GASK1B: variants seen among roughly 807,000 people sequenced by gnomAD.
GASK1B encodes Golgi-associated kinase 1B.
Under a neutral mutation model 42.8 loss-of-function variants are expected in GASK1B, and 34 were observed. That is an observed-to-expected ratio of 0.79 (90% CI 0.60 to 1.06). The LOEUF is 1.06. GASK1B is among the 50% of genes least tolerant of loss of function. The pLI, the probability that GASK1B is intolerant of heterozygous loss-of-function variation, is 0.00. For missense variants in GASK1B, 686 were observed against 661.0 expected (o/e 1.04, Z -0.42); for synonymous variants, 262 against 259.1 (o/e 1.01, Z -0.11).
rs879685476 is a variant in GASK1B, at chr4:158,170,476, C to T, written c.900G>A (p.Glu300=). 9 of 1,614,238 alleles carry T rather than the reference C, an allele frequency of 5.6e-6. No homozygotes were observed. The highest frequency in any genetic ancestry group is 7.6e-6 in the Non-Finnish European group (9 of 1,180,042). The change falls in exon 2 of 5, where the codon GAG becomes GAA. Residue 300 remains glutamate, a synonymous_variant. Transcript: ENST00000585682. ...RTLPSVSRKA[E]FIQDGRPCPI... ...ATGTGAATCTGTTACCTTGGATGAA[C>T]TCTGCTTTCCTGCTCACAGACGGCA...
At chr4:158,166,817 T>C (rs927023855) in intron 2 of GASK1B, among the ~76,000 whole-genome samples, 1 of 152,112 alleles carries the variant, frequency 6.6e-6, no homozygotes, top group African/African-American at 2.4e-5. Flanking sequence ...ATAACTAAAC[T>C]TTCTAGTAGG....
chr4:158,131,851 C>T (rs1730695726), intron 3 of GASK1B, among the ~76,000 whole-genome samples: 1 of 152,092 alleles, frequency 6.6e-6, no homozygotes, highest in South Asian at 2.1e-4. Context: ...AATGTAAACG[C>T]CTGAGTAACA....
chr4:158,171,362 T>C lies in GASK1B; in HGVS notation c.14A>G (p.Asp5Gly). The change falls in exon 2 of 5, where the codon GAC (aspartate) becomes GGC (glycine). Residue 5 changes from aspartate (D) to glycine (G), a missense_variant. By Grantham distance (94) the Asp-to-Gly change is moderately conservative. Transcript: ENST00000585682. MTCP[D>G]KPGQLINWFI... Reference sequence around the variant, plus strand: ...CCAGTTTATGAGCTGCCCCGGCTTGTCTGGACAGGTCATTTCTCTGCCGCA... The same window carrying C: ...CCAGTTTATGAGCTGCCCCGGCTTGCCTGGACAGGTCATTTCTCTGCCGCA... 6.3e-7 allele frequency: 1 copy of C among 1,578,718 alleles called. No homozygotes were observed. Among genetic ancestry groups the C allele is most frequent in the Non-Finnish European group, 8.6e-7 (1 of 1,159,278 alleles).
At chr4:158,152,487 T>G (rs1447983955) in intron 3 of GASK1B, among the ~76,000 whole-genome samples, 2 of 151,674 alleles carry the variant, frequency 1.3e-5, no homozygotes, top group Non-Finnish European at 2.9e-5. Context: ...CATCCCTATA[T>G]CATTCTATGA....
At chr4:158,163,777 C>T (rs1171962033) in intron 2 of GASK1B, among the ~76,000 whole-genome samples, 1 of 152,074 alleles carries the variant, frequency 6.6e-6, no homozygotes, top group African/African-American at 2.4e-5. Context: ...GTGGCAGAAT[C>T]AGAATTCACC....
chr4:158,127,479 T>C lies in GASK1B; in HGVS notation c.1488A>G (p.Ile496Met), dbSNP rs781523565. The change falls in exon 5 of 5, where the codon ATA becomes ATG. Residue 496 changes from isoleucine (I) to methionine (M), a missense_variant. Physicochemically the swap from Ile to Met is conservative, Grantham distance 10 (BLOSUM62 1). Coordinates refer to ENST00000585682, the MANE Select transcript of GASK1B (RefSeq NM_001128424.2). ...TGATAAGAATTTTGGCTCTGTGTTC[T>C]ATTACATCGATAAGCTTTTCAATTC... Reference protein sequence around the residue: ...RQGIEKLIDVIEHRAKILITY... With the variant: ...RQGIEKLIDVMEHRAKILITY... The C allele has an allele frequency of 6.2e-7, 1 of 1,613,706 alleles. No individual in the cohort carries two copies. The highest frequency in any genetic ancestry group is 8.5e-7 in the Non-Finnish European group (1 of 1,179,798).
intron 3 of GASK1B, among the ~76,000 whole-genome samples, chr4:158,134,917 G>A (rs57851840): frequency 1.5e-4 from 23 of 152,278 alleles, no homozygotes; most frequent in African/African-American, 5.3e-4. Flanking sequence ...ACCCACACCA[G>A]CTATGTCTTC....
chr4:158,138,758 T>C (rs1375605099), intron 3 of GASK1B, among the ~76,000 whole-genome samples: 4 of 152,120 alleles, frequency 2.6e-5, no homozygotes. Flanking sequence ...CAAACAAATC[T>C]AATAGCTATT....
chr4:158,163,985 C>T (rs1283749300), intron 2 of GASK1B, among the ~76,000 whole-genome samples: 1 of 152,208 alleles, frequency 6.6e-6, no homozygotes, highest in Non-Finnish European at 1.5e-5. Flanking sequence ...ACTCCTGCAC[C>T]TGTGTGGTCC....
chr4:158,127,464 T>C lies in GASK1B; in HGVS notation c.1503A>G (p.Lys501=). The part of the protein sequence containing the change: ...KLIDVIEHRA[K]ILITYINAHG... Reference sequence around the variant, plus strand: ...GTGCATTGATATAGGTGATAAGAATTTTGGCTCTGTGTTCTATTACATCGA... The same window carrying C: ...GTGCATTGATATAGGTGATAAGAATCTTGGCTCTGTGTTCTATTACATCGA... Residue 501 remains lysine (K), a synonymous_variant, in exon 5 of 5, where the codon AAA becomes AAG. Coordinates refer to ENST00000585682, the MANE Select transcript of GASK1B (RefSeq NM_001128424.2). The C allele has an allele frequency of 6.2e-7, 1 of 1,613,776 alleles. No individual in the cohort carries two copies.
Position 158,170,463 on chromosome 4 carries a change from T to A in GASK1B, c.910+3A>T. ...CAAATAACGAAGCATGTGAATCTGT[T>A]ACCTTGGATGAACTCTGCTTTCCTG... On this transcript the variant is annotated splice_donor_region_variant and intron_variant, in intron 2 of 4. Transcript: ENST00000585682. 1.2e-6 allele frequency: 2 copies of A among 1,614,214 alleles called. No homozygotes were observed. Among genetic ancestry groups the A allele is most frequent in the Non-Finnish European group, 1.7e-6 (2 of 1,180,032 alleles).
intron 3 of GASK1B, among the ~76,000 whole-genome samples, chr4:158,132,008 A>G (rs1215264668): frequency 6.6e-6 from 1 of 152,142 alleles, no homozygotes; most frequent in African/African-American, 2.4e-5. Flanking sequence ...ATACCATCCA[A>G]AGTTATTTAT....
Position 158,127,562 on chromosome 4 carries a change from G to T in GASK1B, c.1405C>A (p.Leu469Ile). Residue 469 changes from leucine to isoleucine, a missense_variant, in exon 5 of 5, where the codon CTT becomes ATT. Coordinates refer to ENST00000585682, the MANE Select transcript of GASK1B (RefSeq NM_001128424.2). ...VLKSQHLRQKLLQSLFLDKVY... is the reference protein window; with the variant it reads ...VLKSQHLRQKILQSLFLDKVY... ...TTATCAAGAAACAGAGACTGAAGAA[G>T]TTTCTGCCGTAAGTGCTGGCTCTTC... 1 of 1,613,632 alleles carries T rather than the reference G, an allele frequency of 6.2e-7. No individual in the cohort carries two copies. Among genetic ancestry groups the T allele is most frequent in the East Asian group, 2.2e-5 (1 of 44,854 alleles).
chr4:158,145,857 A>G (rs974395252), intron 3 of GASK1B, among the ~76,000 whole-genome samples: 3 of 152,200 alleles, frequency 2.0e-5, no homozygotes, highest in Non-Finnish European at 4.4e-5. Flanking sequence ...TTGACAGTAG[A>G]AAAAGATATC....
intron 2 of GASK1B, chr4:158,169,724 A>G (rs1732380931): frequency 6.4e-6 from 1 of 155,482 alleles, no homozygotes; most frequent in African/African-American, 2.4e-5. Context: ...TATCCTTTAT[A>G]TGGCATGGGC....
Position 158,170,714 on chromosome 4 carries a change from A to T in GASK1B, c.662T>A (p.Ile221Asn), listed in dbSNP as rs750606070. 6.2e-7 allele frequency: 1 copy of T among 1,614,200 alleles called. No homozygotes were observed. Residue 221 changes from isoleucine to asparagine, a missense_variant, in exon 2 of 5, where the codon ATC becomes AAC. Ile to Asn is a moderately radical substitution (Grantham distance 149). Transcript: ENST00000585682. ...GTCCGCCAAGAGTCGCATTCTTCGG[A>T]TGTCATCTTTGCTCAGCCAGGAGGG... ...SAPSWLSKDD[I>N]RRMRLLADSA... is the part of the protein sequence containing the mutation.
chr4:158,154,244 A>G (rs1025219845), intron 3 of GASK1B, among the ~76,000 whole-genome samples: 1 of 152,138 alleles, frequency 6.6e-6, no homozygotes. Context: ...AGATATACAA[A>G]TGGTCAACAA....
intron 2 of GASK1B, among the ~76,000 whole-genome samples, chr4:158,167,459 T>C (rs1308279778): frequency 6.6e-6 from 1 of 152,214 alleles, no homozygotes; most frequent in African/African-American, 2.4e-5. Flanking sequence ...AAGCCCAGCC[T>C]GGACTTAAGA....
In GASK1B at chr4:158,127,081, T is replaced by G; in HGVS notation, c.*326A>C. On this transcript the variant is annotated 3_prime_UTR_variant, in exon 5 of 5. Transcript: ENST00000585682. Reference sequence around the variant, plus strand: ...GGAGTCAGTGTCTCTGGTTTGCAGTTTTCTATTAAACAGCATGACAAATGT... The same window carrying G: ...GGAGTCAGTGTCTCTGGTTTGCAGTGTTCTATTAAACAGCATGACAAATGT... 1 of 202,156 alleles carries G rather than the reference T, an allele frequency of 4.9e-6. No individual in the cohort carries two copies. Among genetic ancestry groups the G allele is most frequent in the Non-Finnish European group, 1.0e-5 (1 of 99,844 alleles). The allele number at this position is 202,156 out of a possible 1,614,324, so 12.5% of individuals were successfully genotyped here. A position where few individuals can be genotyped will look rare whatever the true frequency, so the allele number is the denominator to read the frequency against.
Sources: allele counts gnomAD v4.1 joint callset (sites outside exome capture counted in the v4.1 genomes callset), GRCh38; gene constraint gnomAD v4.1.1; transcripts MANE v1.5; gene names NCBI Gene and HGNC (gene_info 2026-07-23, HGNC 2026-07-21).